Variants in SIN3A observed in about 807,000 individuals in gnomAD.
SIN3A encodes the protein paired amphipathic helix protein Sin3a.
Under a neutral mutation model 146.1 loss-of-function variants are expected in SIN3A, and 14 were observed. That is an observed-to-expected ratio of 0.10 (90% CI 0.06 to 0.15). SIN3A has a LOEUF of 0.15. Ranked by LOEUF, SIN3A falls within the 10% of genes least tolerant of loss-of-function variation. SIN3A has a pLI of 1.00. For missense variants in SIN3A, 1,028 were observed against 1,576.0 expected, an observed-to-expected ratio of 0.65 and a Z score of 5.89; for synonymous variants, 572 against 572.0, an observed-to-expected ratio of 1.00 and a Z score of 0.00.
chr15:75,407,767 C>T (rs1216000188), intron 8 of SIN3A, among the ~76,000 whole-genome samples: 1 of 151,504 alleles, frequency 6.6e-6, no homozygotes, highest in Non-Finnish European at 1.5e-5. Context: ...GTAGTGTGCG[C>T]CTATGGTCCC....
At chr15:75,406,993 G>A in intron 9 of SIN3A, 62 bp downstream of exon 9, 1 of 1,190,924 alleles carries the variant, frequency 8.4e-7, no homozygotes, top group Non-Finnish European at 1.2e-6. Flanking sequence ...CTTCCAGGGG[G>A]ATAAGATGAT....
chr15:75,447,622 AC>A lies in SIN3A; in HGVS notation c.-34+3800del, dbSNP rs561563949. ...TGCAGGATAGCCCAGGTCAGGCTGT[AC>A]CCCAAAACTAGTTGTGGAACTAGAC... On this transcript the variant is annotated intron_variant, in intron 1 of 20. Coordinates refer to ENST00000394947, the MANE Select transcript of SIN3A (RefSeq NM_001145358.2). 2.6e-3 allele frequency: 399 copies of A among 152,328 alleles called. 1 individual carries two copies. The highest frequency in any genetic ancestry group is 8.7e-3 in the African/African-American group (362 of 41,566). 9.4% of individuals were successfully genotyped at this position (152,328 alleles called of 1,614,324 possible).
At position 75,380,555 on chromosome 15, in the gene SIN3A, G is replaced by A. The variant is rs1241170513; in HGVS notation, c.3383+74C>T. ...AATAAAATATGTGAAGGCCAAGAAC[G>A]TGAAAGTCATTTAACTCTCCATTCC... On this transcript the variant is annotated intron_variant, in intron 19 of 20. Transcript: ENST00000394947. 43 of 1,123,554 alleles carry A rather than the reference G, an allele frequency of 3.8e-5. No homozygotes were observed. The Admixed American group carries it at 4.4e-4, about 12-fold the overall frequency. 69.6% of individuals were successfully genotyped at this position (1,123,554 alleles called of 1,614,324 possible).
chr15:75,450,801 TC>T (rs982690954), intron 1 of SIN3A, among the ~76,000 whole-genome samples: 37 of 152,006 alleles, frequency 2.4e-4, no homozygotes, highest in African/African-American at 8.7e-4. Context: ...GCGCCGAGAC[TC>T]CCAGCCAGAC....
At chr15:75,428,707 G>A (rs549013857) in intron 2 of SIN3A, among the ~76,000 whole-genome samples, 3 of 152,018 alleles carry the variant, frequency 2.0e-5, no homozygotes, top group Non-Finnish European at 4.4e-5. Context: ...ATGTTGCCCA[G>A]GCTGATCTCA....
intron 17 of SIN3A, among the ~76,000 whole-genome samples, chr15:75,382,723 G>C (rs2072997673): frequency 6.6e-6 from 1 of 152,154 alleles, no homozygotes. Flanking sequence ...AAGGCGGGCA[G>C]ATCACTTGAG....
chr15:75,421,918 C>T (rs1394671738), intron 3 of SIN3A: 1 of 152,122 alleles, frequency 6.6e-6, no homozygotes, highest in East Asian at 1.9e-4. Flanking sequence ...CACACATACT[C>T]AGCAGAAAAT....
At chr15:75,381,528 T>G in intron 18 of SIN3A, 85 bp downstream of exon 18, 2 of 1,045,438 alleles carry the variant, frequency 1.9e-6, no homozygotes, top group Non-Finnish European at 2.9e-6. Context: ...TGCCTTGGCC[T>G]TTTGGCAGAC....
rs115161202 is a variant in SIN3A at position 75,404,260 on chromosome 15, C to T, written c.1408-2290G>A. 7.8e-3 allele frequency among the ~76,000 whole-genome samples: 1,186 copies of T among 152,230 alleles called. 17 individuals carry two copies. Among genetic ancestry groups the T allele is most frequent in the African/African-American group, 0.026 (1,088 of 41,528 alleles). On this transcript the variant is annotated intron_variant, in intron 9 of 20. Transcript: ENST00000394947. ...AACACTGTACCTTTTATACTGTATA[C>T]CCTATTTACCTTTACTTTTTATTAG...
At chr15:75,405,311 A>G (rs2073490194) in intron 9 of SIN3A, among the ~76,000 whole-genome samples, 1 of 151,296 alleles carries the variant, frequency 6.6e-6, no homozygotes, top group Non-Finnish European at 1.5e-5. Flanking sequence ...GGTTGCACTG[A>G]GCCAAGATCA....
chr15:75,432,685 CAAAAAAAA>C (rs71440236), intron 1 of SIN3A, among the ~76,000 whole-genome samples: 1 of 84,892 alleles, frequency 1.2e-5, no homozygotes, highest in African/African-American at 4.6e-5. Context: ...GACTCTGTCT[CAAAAAAAA>C]AAAAAAAAAA....
rs530360510 is a variant in SIN3A, at chr15:75,394,896, T to C, written c.2094-33A>G. ...AGCGGGAAGGGATGGAAACAACACATGGGAATTCAGAGGGTTTAGAAGAAA... is the reference window on the plus strand; with the variant it reads ...AGCGGGAAGGGATGGAAACAACACACGGGAATTCAGAGGGTTTAGAAGAAA... On this transcript the variant is annotated intron_variant, in intron 13 of 20. Transcript: ENST00000394947. 1.3e-5 allele frequency: 20 copies of C among 1,592,128 alleles called. No individual in the cohort carries two copies. The African/African-American group carries it at 1.5e-4, about 12-fold the overall frequency.
intron 16 of SIN3A, among the ~76,000 whole-genome samples, chr15:75,385,903 T>A (rs2073067018): frequency 6.6e-6 from 1 of 152,162 alleles, no homozygotes; most frequent in Non-Finnish European, 1.5e-5. Context: ...ATTAAAATAA[T>A]GCTTATGAGT....
chr15:75,452,805 T>C (rs955411602), upstream of SIN3A, among the ~76,000 whole-genome samples: 7 of 152,290 alleles, frequency 4.6e-5, no homozygotes, highest in Admixed American at 2.0e-4. Flanking sequence ...TAAATTAACA[T>C]TGGGGACATG....
chr15:75,453,751 G>A (rs2074445170), upstream of SIN3A: 1 of 152,384 alleles, frequency 6.6e-6, no homozygotes, highest in African/African-American at 2.4e-5. Context: ...GACAGGGTTA[G>A]AACTTTAGTA....
intron 1 of SIN3A, among the ~76,000 whole-genome samples, chr15:75,436,133 C>CA (rs60381548): frequency 0.35 from 48,915 of 138,506 alleles, 9,196 homozygotes; most frequent in African/African-American, 0.52. Flanking sequence ...GACTCTGTCT[C>CA]AAAAAAAAAA....
In SIN3A at chr15:75,410,238, A is replaced by G; in HGVS notation, c.1057T>C (p.Leu353=). 2 of 1,614,006 alleles carry G rather than the reference A, an allele frequency of 1.2e-6. No individual in the cohort carries two copies. The highest frequency in any genetic ancestry group is 1.7e-6 in the Non-Finnish European group (2 of 1,179,902). The change falls in exon 7 of 21, where the codon TTG becomes CTG. Residue 353 remains leucine (L), a synonymous_variant. Coordinates refer to ENST00000394947, the MANE Select transcript of SIN3A (RefSeq NM_001145358.2). Reference sequence around the variant, plus strand: ...TGGGCATACACCTCCTGCTCTGTCAATGCTGGAGTGTAGTTTCCTCCAGCT... The same window carrying G: ...TGGGCATACACCTCCTGCTCTGTCAGTGCTGGAGTGTAGTTTCCTCCAGCT... ...KEAGGNYTPA[L]TEQEVYAQVA...
intron 2 of SIN3A, 63 bp from the exon 3 acceptor site, chr15:75,422,886 T>G: frequency 6.7e-7 from 1 of 1,497,724 alleles, no homozygotes; most frequent in African/African-American, 1.4e-5. Flanking sequence ...CAAATGAGTC[T>G]AAATAACTAA....
intron 8 of SIN3A, among the ~76,000 whole-genome samples, chr15:75,409,545 T>C (rs1249940464): frequency 1.3e-5 from 2 of 148,402 alleles, no homozygotes; most frequent in Non-Finnish European, 3.0e-5. Context: ...GCTAACACGG[T>C]GAAACCCCGT....
Sources: allele counts gnomAD v4.1 joint callset (sites outside exome capture counted in the v4.1 genomes callset), GRCh38; gene constraint gnomAD v4.1.1; transcripts MANE v1.5; gene names NCBI Gene and HGNC (gene_info 2026-07-23, HGNC 2026-07-21).